The following EHD4 variants were observed in gnomAD, a reference collection of about 807,000 sequenced individuals.
EHD4 encodes EH domain-containing protein 4.
EHD4 carries 37 observed loss-of-function variants against 51.0 expected under a neutral mutation model. The observed-to-expected ratio is 0.73, with a 90% CI of 0.56 to 0.95. The LOEUF is 0.95. Among genes scored for constraint, EHD4 ranks in the 40% least tolerant of loss-of-function variants. The pLI, the probability that EHD4 is intolerant of heterozygous loss-of-function variation, is 0.00. For missense variants in EHD4, 632 were observed against 733.1 expected (o/e 0.86, Z 1.59); for synonymous variants, 297 against 317.3 (o/e 0.94, Z 0.68).
intron 3 of EHD4, among the ~76,000 whole-genome samples, chr15:41,940,843 G>A (rs753876454): frequency 6.6e-5 from 10 of 152,192 alleles, no homozygotes; most frequent in South Asian, 2.1e-4. Context: ...AAGGAGAGAC[G>A]CTGCAAGACT....
rs1288374007 is a variant in EHD4 at position 41,903,355 on chromosome 15, T to C, written c.1090-2174A>G. On this transcript the variant is annotated intron_variant, in intron 5 of 5. Transcript: ENST00000220325. ...AAAAAAAAAAAACAGAAAAAACTGG[T>C]AAGCAAAACTAAAAATTTAAAATAA... Among the ~76,000 whole-genome samples the C allele has an allele frequency of 4.1e-5, 6 of 144,956 alleles. 1 individual carries two copies. Among genetic ancestry groups the C allele is most frequent in the Non-Finnish European group, 9.0e-5 (6 of 66,370 alleles).
At position 41,953,687 on chromosome 15, in the gene EHD4, C is replaced by T; in HGVS notation, c.413+77G>A. 3.4e-6 allele frequency: 5 copies of T among 1,457,354 alleles called. 1 individual carries two copies. The highest frequency in any genetic ancestry group is 2.8e-5 in the South Asian group (2 of 71,044). The allele number at this position is 1,457,354 out of a possible 1,614,324, so 90.3% of individuals were successfully genotyped here. On this transcript the variant is annotated intron_variant, in intron 2 of 5. Transcript: ENST00000220325. The stretch of plus-strand genomic sequence containing the variant: ...ATTCTTTGTTCTTCTGTTTTTGAAC[C>T]TTTATATGTAACTGGCAGTAATTCA...
chr15:41,933,830 A>G (rs1240888564), intron 3 of EHD4, among the ~76,000 whole-genome samples: 1 of 152,138 alleles, frequency 6.6e-6, no homozygotes, highest in African/African-American at 2.4e-5. Flanking sequence ...CTAGCTTCCG[A>G]AGTAGGCTAG....
intron 1 of EHD4, among the ~76,000 whole-genome samples, chr15:41,958,299 A>G (rs945067747): frequency 6.6e-6 from 1 of 152,012 alleles, no homozygotes; most frequent in African/African-American, 2.4e-5. Context: ...AGCCAGCCAC[A>G]TAAAAAGGTA....
chr15:41,917,435 T>C (rs1027032827), intron 4 of EHD4, among the ~76,000 whole-genome samples: 1 of 152,220 alleles, frequency 6.6e-6, no homozygotes, highest in African/African-American at 2.4e-5. Flanking sequence ...TTTATTTATA[T>C]GACTGAATAC....
chr15:41,943,204 A>G (rs759730732), intron 2 of EHD4, 40 bp from the exon 3 acceptor site: 6 of 1,505,602 alleles, frequency 4.0e-6, no homozygotes, highest in Non-Finnish European at 5.4e-6. Context: ...GAAACTGGGC[A>G]TCACAGAGTG....
chr15:41,965,927 AC>A (rs1473116119), intron 1 of EHD4, among the ~76,000 whole-genome samples: 3 of 22,280 alleles, frequency 1.3e-4, no homozygotes, highest in African/African-American at 3.3e-4. Context: ...TCCCCTGCCC[AC>A]CCCCCGCCCC....
chr15:41,907,531 T>C (rs924978214), intron 5 of EHD4, among the ~76,000 whole-genome samples: 7 of 152,142 alleles, frequency 4.6e-5, no homozygotes, highest in Non-Finnish European at 8.8e-5. Flanking sequence ...CGTGTATATA[T>C]TTTTTTGAGA....
chr15:41,967,269 C>A (rs1447852751), intron 1 of EHD4, among the ~76,000 whole-genome samples: 1 of 152,136 alleles, frequency 6.6e-6, no homozygotes, highest in African/African-American at 2.4e-5. Flanking sequence ...CTCAGGGAGG[C>A]AGCCTTTTCC....
intron 3 of EHD4, among the ~76,000 whole-genome samples, chr15:41,921,117 G>T (rs76024922): frequency 6.6e-6 from 1 of 152,110 alleles, no homozygotes; most frequent in Non-Finnish European, 1.5e-5. Context: ...AAACAAGACA[G>T]TTGGTAACGC....
At chr15:41,917,450 G>C (rs1263500179) in intron 4 of EHD4, among the ~76,000 whole-genome samples, 1 of 152,162 alleles carries the variant, frequency 6.6e-6, no homozygotes, top group East Asian at 1.9e-4. Flanking sequence ...GAATACAGCA[G>C]CATCTCCAGT....
At chr15:41,943,543 T>C (rs1351275785) in intron 2 of EHD4, among the ~76,000 whole-genome samples, 2 of 152,250 alleles carry the variant, frequency 1.3e-5, no homozygotes, top group Non-Finnish European at 2.9e-5. Flanking sequence ...GAAGGAATTA[T>C]GCTTAACATA....
In EHD4 at chr15:41,900,533, A is replaced by G. The variant is rs1253698434; in HGVS notation, c.*112T>C. On this transcript the variant is annotated 3_prime_UTR_variant, in exon 6 of 6. Transcript: ENST00000220325. The surrounding 1 kb of genome is among the most constrained non-coding windows in gnomAD (Gnocchi z 4.8). ...ACCCTCCCCATTCTACAGATGGGGA[A>G]ACCAAGGCACAGAGAGGGCAGTGCC... The G allele has an allele frequency of 1.7e-6, 2 of 1,152,398 alleles. No individual in the cohort carries two copies. Among genetic ancestry groups the G allele is most frequent in the Non-Finnish European group, 2.4e-6 (2 of 839,220 alleles). The allele number at this position is 1,152,398 out of a possible 1,614,324, so 71.4% of individuals were successfully genotyped here.
intron 5 of EHD4, among the ~76,000 whole-genome samples, chr15:41,908,974 T>A (rs1380754951): frequency 6.6e-6 from 1 of 152,188 alleles, no homozygotes. Flanking sequence ...TTGCAGCAGA[T>A]AAGAAGACGG....
At position 41,953,975 on chromosome 15, in the gene EHD4, C is replaced by T; in HGVS notation, c.237-35G>A. The T allele has an allele frequency of 1.9e-6, 3 of 1,600,188 alleles. No homozygotes were observed. In the Middle Eastern group the frequency reaches 5.2e-4, roughly 279 times the overall value. The stretch of plus-strand genomic sequence containing the variant: ...GGAAGAAGAAGAGAAAGCTTAGCAT[C>T]TTATCACAAAGTAAGAGGCCAGAAA... On this transcript the variant is annotated intron_variant, in intron 1 of 5. Transcript: ENST00000220325.
In EHD4 at chr15:41,915,504, C is replaced by T. The variant is rs374948444; in HGVS notation, c.924+3706G>A. Among the ~76,000 whole-genome samples, 395 of 152,342 alleles carry T rather than the reference C, an allele frequency of 2.6e-3. 6 individuals are homozygous for T. In the South Asian group the frequency reaches 0.029, roughly 11 times the overall value. The stretch of plus-strand genomic sequence containing the variant: ...ATCACTGACCTCTCCTCTTCTTTCT[C>T]AGTTTTACTTGTTTCTTCCTCAAAT... On this transcript the variant is annotated intron_variant, in intron 4 of 5. Coordinates refer to ENST00000220325, the MANE Select transcript of EHD4 (RefSeq NM_139265.4).
intron 4 of EHD4, 106 bp downstream of exon 4, chr15:41,919,104 T>A (rs2067604955): frequency 6.9e-7 from 1 of 1,454,658 alleles, no homozygotes. Context: ...GCATGTTCAT[T>A]CCTTAAGCCT....
At chr15:41,918,124 T>C (rs1187461096) in intron 4 of EHD4, among the ~76,000 whole-genome samples, 3 of 152,134 alleles carry the variant, frequency 2.0e-5, no homozygotes, top group Non-Finnish European at 4.4e-5. Flanking sequence ...AAGCCCTCCC[T>C]GCCTCCTGGC....
intron 1 of EHD4, among the ~76,000 whole-genome samples, chr15:41,971,345 G>A (rs1595549396): frequency 1.3e-5 from 2 of 152,276 alleles, no homozygotes; most frequent in South Asian, 4.1e-4. Flanking sequence ...ACTGATACAC[G>A]GCTTAAGTCA....
Sources: gnomAD v4.1 joint callset for allele counts (sites outside exome capture counted in the v4.1 genomes callset) on GRCh38, gnomAD v4.1.1 for gene constraint, Gnocchi (gnomAD v3.1) non-coding constraint, MANE v1.5 for transcripts, NCBI Gene and HGNC (gene_info 2026-07-23, HGNC 2026-07-21) for gene names.